The following TOP6BL variants were observed in gnomAD, a reference collection of about 807,000 sequenced individuals.
The protein encoded by TOP6BL is type 2 DNA topoisomerase 6 subunit B-like.
the TOP6BL span, among the ~76,000 whole-genome samples, chr11:66,789,443 C>G: frequency 2.0e-5 from 3 of 152,118 alleles, no homozygotes; most frequent in African/African-American, 7.2e-5. Flanking sequence ...CAGCCTTTCT[C>G]CATGTTTGAA....
the TOP6BL span, chr11:66,796,417 C>A: frequency 7.2e-7 from 1 of 1,384,406 alleles, no homozygotes; most frequent in Non-Finnish European, 1.0e-6. Flanking sequence ...CATTGTTTTC[C>A]AGAGACCTTT....
chr11:66,812,592 A>G, the TOP6BL span, among the ~76,000 whole-genome samples: 1 of 152,176 alleles, frequency 6.6e-6, no homozygotes, highest in African/African-American at 2.4e-5. Context: ...AAGCCTTTCC[A>G]TAATGCCTCA....
chr11:66,842,708 T>G, the TOP6BL span: 22 of 798,176 alleles, frequency 2.8e-5, no homozygotes, highest in Non-Finnish European at 3.7e-5. Context: ...AGCTGCAGGG[T>G]TTTGGTGTGG....
At chr11:66,779,233 A>G in the TOP6BL span, among the ~76,000 whole-genome samples, 3 of 152,216 alleles carry the variant, frequency 2.0e-5, no homozygotes, top group Non-Finnish European at 2.9e-5. Context: ...GGCAACCTAC[A>G]GAATGGGAGA....
the TOP6BL span, among the ~76,000 whole-genome samples, chr11:66,748,020 A>C: frequency 6.6e-6 from 1 of 152,202 alleles, no homozygotes; most frequent in Non-Finnish European, 1.5e-5. Context: ...CATAGTCTTC[A>C]TGTTGGCTTT....
chr11:66,807,034 A>G, the TOP6BL span, among the ~76,000 whole-genome samples: 1 of 152,222 alleles, frequency 6.6e-6, no homozygotes, highest in African/African-American at 2.4e-5. Context: ...CTCTTGGGGA[A>G]AATTTAACAG....
chr11:66,825,706 C>A, the TOP6BL span, among the ~76,000 whole-genome samples: 5 of 152,184 alleles, frequency 3.3e-5, no homozygotes, highest in East Asian at 9.6e-4. Context: ...TATAGCAGCC[C>A]GAATGGACTA....
At chr11:66,805,716 A>G in the TOP6BL span, among the ~76,000 whole-genome samples, 39 of 152,030 alleles carry the variant, frequency 2.6e-4, no homozygotes, top group African/African-American at 9.2e-4. Flanking sequence ...CGGCCTCCCA[A>G]AGTTTTGGGA....
the TOP6BL span, among the ~76,000 whole-genome samples, chr11:66,747,427 A>G: frequency 1.6e-3 from 235 of 150,664 alleles, 8 homozygotes; most frequent in East Asian, 0.042. Flanking sequence ...ATGGGGCCTC[A>G]CTATGTTTCC....
the TOP6BL span, among the ~76,000 whole-genome samples, chr11:66,826,323 T>G: frequency 3.4e-3 from 518 of 152,350 alleles, 4 homozygotes; most frequent in African/African-American, 0.011. Flanking sequence ...AGTCTTAGAA[T>G]TTTTAGTTAA....
the TOP6BL span, among the ~76,000 whole-genome samples, chr11:66,785,482 TAA>T: frequency 6.6e-6 from 1 of 152,188 alleles, no homozygotes; most frequent in Non-Finnish European, 1.5e-5. Flanking sequence ...AATTTTTAAT[TAA>T]GAGCTAATTG....
At chr11:66,822,712 C>A in the TOP6BL span, 1 of 1,435,536 alleles carries the variant, frequency 7.0e-7, no homozygotes, top group Non-Finnish European at 9.6e-7. Flanking sequence ...CTTAAAAGTG[C>A]CAGGGTTTTG....
the TOP6BL span, among the ~76,000 whole-genome samples, chr11:66,821,214 C>T: frequency 6.6e-6 from 1 of 151,962 alleles, no homozygotes; most frequent in African/African-American, 2.4e-5. Context: ...AGTCGTTGTA[C>T]TCAGTATTGG....
At chr11:66,818,209 A>G in the TOP6BL span, among the ~76,000 whole-genome samples, 1 of 152,178 alleles carries the variant, frequency 6.6e-6, no homozygotes, top group South Asian at 2.1e-4. Flanking sequence ...ACTGGTGTCA[A>G]TTATTTATTG....
At chr11:66,822,115 C>A in the TOP6BL span, among the ~76,000 whole-genome samples, 385 of 152,322 alleles carry the variant, frequency 2.5e-3, 3 homozygotes, top group Non-Finnish European at 4.1e-3. Context: ...ATTCTTCCCC[C>A]ATTTTCCTAA....
At chr11:66,794,866 C>T in the TOP6BL span, among the ~76,000 whole-genome samples, 1 of 152,176 alleles carries the variant, frequency 6.6e-6, no homozygotes, top group African/African-American at 2.4e-5. Context: ...GGCGCAGTGG[C>T]TCACTTCTGT....
At chr11:66,758,205 C>T in the TOP6BL span, 1 of 836,442 alleles carries the variant, frequency 1.2e-6, no homozygotes, top group Non-Finnish European at 1.4e-6. Context: ...TCCTTATTCA[C>T]TGTCTACCCT....
chr11:66,783,736 C>G, the TOP6BL span, among the ~76,000 whole-genome samples: 1 of 152,126 alleles, frequency 6.6e-6, no homozygotes, highest in Non-Finnish European at 1.5e-5. Flanking sequence ...ATGTCTCTTG[C>G]CTTTTCTTTT....
the TOP6BL span, among the ~76,000 whole-genome samples, chr11:66,791,080 A>G: frequency 6.6e-6 from 1 of 152,174 alleles, no homozygotes. Context: ...TAAAAGGGAG[A>G]TTGTAAAAGA....
Sources: gnomAD v4.1 joint callset for allele counts (sites outside exome capture counted in the v4.1 genomes callset) on GRCh38, gnomAD v4.1.1 for gene constraint, MANE v1.5 for transcripts, NCBI Gene and HGNC (gene_info 2026-07-23, HGNC 2026-07-21) for gene names.